Variants in MROH9 observed in about 807,000 individuals in gnomAD.
MROH9 encodes the protein maestro heat-like repeat-containing protein family member 9.
MROH9 carries 92 observed loss-of-function variants against 98.2 expected under a neutral mutation model. The observed-to-expected ratio is 0.94, with a 90% CI of 0.79 to 1.11. The LOEUF (loss-of-function observed/expected upper bound fraction) is 1.11, where lower values mean the gene tolerates loss of function less well. MROH9 is among the 50% of genes most tolerant of loss of function. MROH9 has a pLI of 0.00. For missense variants in MROH9, 1,057 were observed against 1,014.8 expected (o/e 1.04, Z -0.57); for synonymous variants, 397 against 368.9 (o/e 1.08, Z -0.87).
intron 3 of MROH9, among the ~76,000 whole-genome samples, chr1:170,952,539 G>C (rs1021139467): frequency 6.8e-6 from 1 of 146,628 alleles, no homozygotes. Context: ...TCATAGGTGG[G>C]AATTGAACAA....
chr1:170,986,443 C>T, intron 9 of MROH9, 118 bp from the exon 10 acceptor site: 2 of 919,766 alleles, frequency 2.2e-6, no homozygotes, highest in South Asian at 2.0e-5. Flanking sequence ...ATGTATATGG[C>T]CCACGGAAGA....
At chr1:171,039,576 A>G (rs1242190525) in intron 20 of MROH9, among the ~76,000 whole-genome samples, 1 of 152,212 alleles carries the variant, frequency 6.6e-6, no homozygotes, top group African/African-American at 2.4e-5. Context: ...CCCATATCAT[A>G]GACATATCCT....
In MROH9 at chr1:170,957,017, T is replaced by TTGC. The variant is rs1409420453; in HGVS notation, c.73-1443_73-1442insGCT. Among the ~76,000 whole-genome samples, 178 of 16,808 alleles carry TTGC rather than the reference T, an allele frequency of 0.011. 1 individual carries two copies. The Middle Eastern group carries it at 0.15, about 15-fold the overall frequency. 11.0% of individuals were successfully genotyped at this position (16,808 alleles called of 152,430 possible). A position where few individuals can be genotyped will look rare whatever the true frequency, so the allele number is the denominator to read the frequency against. ...GCCCATTTGTAATTGGATTATCTGC[T>TTGC]TTTTTTTTTTTTTGCCATTGAATCA... is the stretch of plus-strand genomic sequence containing the variant. On this transcript the variant is annotated intron_variant, in intron 3 of 21. Transcript: ENST00000367759.
Position 170,995,511 on chromosome 1 carries a change from G to T in MROH9, c.1317G>T (p.Pro439=), listed in dbSNP as rs757784456. 1.7e-5 allele frequency: 28 copies of T among 1,613,036 alleles called. 1 individual carries two copies. The South Asian group carries it at 3.1e-4, about 18-fold the overall frequency. The change falls in exon 13 of 22, where the codon CCG becomes CCT. Residue 439 remains proline (P), a synonymous_variant. Coordinates refer to ENST00000367759, the MANE Select transcript of MROH9 (RefSeq NM_001163629.2). ...TCTTCTACAACAGTGAGCTGAAACC[G>T]ATACTCAAGGACAGGGCTTTGTGAG... The part of the protein sequence containing the change: ...FQVFYNSELK[P]ILKDRALYAQ...
chr1:170,956,842 A>T (rs569646103), intron 3 of MROH9, among the ~76,000 whole-genome samples: 3 of 151,518 alleles, frequency 2.0e-5, no homozygotes, highest in African/African-American at 4.9e-5. Context: ...GATGCCCTTT[A>T]TTTCTTTCTC....
intron 1 of MROH9, among the ~76,000 whole-genome samples, chr1:170,944,711 A>G (rs1649255115): frequency 6.6e-6 from 1 of 152,064 alleles, no homozygotes; most frequent in South Asian, 2.1e-4. Flanking sequence ...TCACATTATG[A>G]AAAAGTTCAT....
chr1:170,974,823 A>G (rs961973057), intron 8 of MROH9, among the ~76,000 whole-genome samples: 2 of 152,042 alleles, frequency 1.3e-5, no homozygotes, highest in African/African-American at 4.8e-5. Context: ...AGATAATAAC[A>G]AAAGTAAAAT....
intron 20 of MROH9, among the ~76,000 whole-genome samples, chr1:171,055,653 C>T (rs944773819): frequency 6.9e-6 from 1 of 144,096 alleles, no homozygotes; most frequent in Non-Finnish European, 1.5e-5. Flanking sequence ...ATACAGTGGA[C>T]TTTGGGGACT....
intron 20 of MROH9, among the ~76,000 whole-genome samples, chr1:171,059,887 G>A (rs1224549471): frequency 1.3e-5 from 2 of 152,144 alleles, no homozygotes; most frequent in Non-Finnish European, 2.9e-5. Flanking sequence ...CTGGGAGTGG[G>A]AGGTGAGGGG....
At chr1:170,968,677 G>A (rs1192382394) in intron 7 of MROH9, among the ~76,000 whole-genome samples, 1 of 152,128 alleles carries the variant, frequency 6.6e-6, no homozygotes, top group Non-Finnish European at 1.5e-5. Flanking sequence ...GAGCCCAGGA[G>A]TTCTAGGCTG....
At chr1:170,947,666 T>A (rs372053100) in intron 3 of MROH9, 93 bp downstream of exon 3, 3 of 1,170,706 alleles carry the variant, frequency 2.6e-6, no homozygotes, top group Non-Finnish European at 3.7e-6. Flanking sequence ...TTACAAGTAA[T>A]GTTTAAAATA....
At chr1:170,960,461 C>T (rs1448518738) in intron 5 of MROH9, among the ~76,000 whole-genome samples, 2 of 152,064 alleles carry the variant, frequency 1.3e-5, no homozygotes, top group Non-Finnish European at 2.9e-5. Context: ...CATCCAAATG[C>T]CCCATGTTTA....
At chr1:171,025,047 A>C (rs1339672545) in intron 19 of MROH9, among the ~76,000 whole-genome samples, 1 of 152,204 alleles carries the variant, frequency 6.6e-6, no homozygotes, top group Non-Finnish European at 1.5e-5. Flanking sequence ...CCCAGATCAC[A>C]AAAAAGAAAA....
chr1:170,939,068 A>T (rs2101860183), intron 1 of MROH9, among the ~76,000 whole-genome samples: 1 of 152,346 alleles, frequency 6.6e-6, no homozygotes, highest in East Asian at 1.9e-4. Flanking sequence ...CTTGATTATT[A>T]AATAATCCTC....
In MROH9 at chr1:170,992,258, G is replaced by A; in HGVS notation, c.1123G>A (p.Gly375Arg). Residue 375 changes from glycine to arginine, a missense_variant, in exon 12 of 22, where the codon GGG becomes AGG. By Grantham distance (125) the Gly-to-Arg change is moderately radical. Coordinates refer to ENST00000367759, the MANE Select transcript of MROH9 (RefSeq NM_001163629.2). ...TILLILKGKPGEMEDTVTEGK... is the reference protein window; with the variant it reads ...TILLILKGKPREMEDTVTEGK... Reference sequence around the variant, plus strand: ...CTTATTGATACTGAAAGGAAAGCCTGGGGAAATGGAGGACACCGTAACGGA... The same window carrying A: ...CTTATTGATACTGAAAGGAAAGCCTAGGGAAATGGAGGACACCGTAACGGA... The A allele has an allele frequency of 6.2e-7, 1 of 1,613,556 alleles. No individual in the cohort carries two copies. Among genetic ancestry groups the A allele is most frequent in the Non-Finnish European group, 8.5e-7 (1 of 1,179,684 alleles).
chr1:170,999,771 T>C (rs3980674), intron 15 of MROH9, among the ~76,000 whole-genome samples: 10 of 152,202 alleles, frequency 6.6e-5, no homozygotes, highest in Non-Finnish European at 1.3e-4. Context: ...TTTTCCATAG[T>C]GGCTGTACTA....
chr1:171,003,885 G>A (rs1651863349), intron 15 of MROH9, among the ~76,000 whole-genome samples: 1 of 152,074 alleles, frequency 6.6e-6, no homozygotes, highest in African/African-American at 2.4e-5. Context: ...AGGTGTGACT[G>A]AGCTCAGACT....
chr1:171,010,183 G>C (rs1451373991), intron 15 of MROH9, among the ~76,000 whole-genome samples: 3 of 152,086 alleles, frequency 2.0e-5, no homozygotes, highest in Non-Finnish European at 4.4e-5. Context: ...CCACTTATGA[G>C]AACATGTGGT....
intron 20 of MROH9, among the ~76,000 whole-genome samples, chr1:171,059,818 G>A (rs1461393282): frequency 6.6e-6 from 1 of 152,126 alleles, no homozygotes; most frequent in Non-Finnish European, 1.5e-5. Flanking sequence ...TCATAAGTGG[G>A]AGTTGAACAA....
Sources: allele counts gnomAD v4.1 joint callset (sites outside exome capture counted in the v4.1 genomes callset), GRCh38; gene constraint gnomAD v4.1.1; transcripts MANE v1.5; gene names NCBI Gene and HGNC (gene_info 2026-07-23, HGNC 2026-07-21).